PDE3A: variants seen among roughly 807,000 people sequenced by gnomAD.
The protein encoded by PDE3A is phosphodiesterase 3A, also known as cGMP-inhibited 3',5'-cyclic phosphodiesterase 3A.
A neutral mutation model predicts 98.3 loss-of-function variants in PDE3A; 43 were observed. The observed-to-expected ratio is 0.44, with a 90% confidence interval of 0.34 to 0.56. The LOEUF is 0.56. Among genes scored for constraint, PDE3A ranks in the 20% least tolerant of loss-of-function variants. The pLI is 0.01. For missense variants in PDE3A, 1,427 were observed against 1,440.7 expected, an observed-to-expected ratio of 0.99 and a Z score of 0.15; for synonymous variants, 663 against 567.9, an observed-to-expected ratio of 1.17 and a Z score of -2.38.
At position 20,396,355 on chromosome 12, in the gene PDE3A, G is replaced by A. The variant is rs181388752; in HGVS notation, c.960+26111G>A. 8.0e-4 allele frequency among the ~76,000 whole-genome samples: 122 copies of A among 152,094 alleles called. 2 individuals are homozygous for A. In the South Asian group the frequency reaches 0.011, roughly 14 times the overall value. On this transcript the variant is annotated intron_variant, in intron 1 of 15. Coordinates refer to ENST00000359062, the MANE Select transcript of PDE3A (RefSeq NM_000921.5). ...AGCTGGTCATGTTGATGCCTTTATC[G>A]CCTAAGCTGGCATGTAGTGCTATTG...
intron 2 of PDE3A, among the ~76,000 whole-genome samples, chr12:20,612,348 G>A (rs937488381): frequency 6.6e-6 from 1 of 150,510 alleles, no homozygotes; most frequent in East Asian, 1.9e-4. Context: ...TCTCTGTTTG[G>A]ATATGTTTTA....
chr12:20,627,847 T>C (rs1287052315), intron 5 of PDE3A, among the ~76,000 whole-genome samples: 2 of 152,214 alleles, frequency 1.3e-5, no homozygotes, highest in Non-Finnish European at 2.9e-5. Flanking sequence ...TCAGTACAGA[T>C]ACCTCGGTAA....
intron 2 of PDE3A, among the ~76,000 whole-genome samples, chr12:20,562,430 G>A (rs1282944919): frequency 6.6e-6 from 1 of 151,764 alleles, no homozygotes; most frequent in African/African-American, 2.4e-5. Context: ...ATTTTGGCCA[G>A]CATGATTTCG....
intron 1 of PDE3A, among the ~76,000 whole-genome samples, chr12:20,548,078 A>C (rs1230697643): frequency 6.6e-6 from 1 of 152,152 alleles, no homozygotes; most frequent in Non-Finnish European, 1.5e-5. Flanking sequence ...AGAAGAATTT[A>C]TTCCATAAGG....
chr12:20,423,362 C>G (rs548504231), intron 1 of PDE3A, among the ~76,000 whole-genome samples: 1 of 152,292 alleles, frequency 6.6e-6, no homozygotes, highest in East Asian at 1.9e-4. Context: ...ATGTAAACAC[C>G]TATGCATATG....
rs138666059 is a variant in PDE3A, at chr12:20,536,825, A to G, written c.961-19835A>G. On this transcript the variant is annotated intron_variant, in intron 1 of 15. Transcript: ENST00000359062. ...TTTTAGTTGTTTTTGCTTTTTGGCT[A>G]TTATGAATAATGCTGCTATTAACAT... 5.6e-3 allele frequency among the ~76,000 whole-genome samples: 855 copies of G among 152,184 alleles called. 6 individuals carry two copies. Among genetic ancestry groups the G allele is most frequent in the African/African-American group, 0.02 (819 of 41,558 alleles).
At chr12:20,389,532 T>A (rs1226128198) in intron 1 of PDE3A, among the ~76,000 whole-genome samples, 3 of 151,948 alleles carry the variant, frequency 2.0e-5, no homozygotes, top group African/African-American at 7.2e-5. Flanking sequence ...CTCTGGCTTG[T>A]GGGAATTCTC....
At chr12:20,551,812 C>T in intron 1 of PDE3A, 5 of 1,613,972 alleles carry the variant, frequency 3.1e-6, no homozygotes, top group Admixed American at 1.7e-5. Context: ...GTCCTCACAG[C>T]GGGACTGGGA....
intron 1 of PDE3A, among the ~76,000 whole-genome samples, chr12:20,451,392 G>A (rs1405965611): frequency 6.6e-6 from 1 of 152,140 alleles, no homozygotes; most frequent in Non-Finnish European, 1.5e-5. Flanking sequence ...TCCTGCCTCA[G>A]CCTCCCAAGT....
intron 15 of PDE3A, among the ~76,000 whole-genome samples, chr12:20,670,398 T>G (rs979052894): frequency 6.6e-6 from 1 of 151,552 alleles, no homozygotes; most frequent in African/African-American, 2.4e-5. Flanking sequence ...AATATACATT[T>G]TTTTCAGCAC....
chr12:20,539,531 G>A (rs1941841537), intron 1 of PDE3A, among the ~76,000 whole-genome samples: 1 of 152,132 alleles, frequency 6.6e-6, no homozygotes, highest in Non-Finnish European at 1.5e-5. Flanking sequence ...AGAGTGACAA[G>A]AGAAGATGAG....
chr12:20,498,280 C>A (rs939208631), intron 1 of PDE3A, among the ~76,000 whole-genome samples: 4 of 152,110 alleles, frequency 2.6e-5, no homozygotes, highest in Non-Finnish European at 5.9e-5. Flanking sequence ...GCCCACCCCC[C>A]CAACTGAAGG....
chr12:20,380,660 T>C (rs1373573), intron 1 of PDE3A, among the ~76,000 whole-genome samples: 105,644 of 151,456 alleles, frequency 0.7, 37,045 homozygotes, highest in East Asian at 0.98. Context: ...TCGAACCTTA[T>C]GGTGTCAAGT....
chr12:20,377,140 T>G (rs1161275152), intron 1 of PDE3A, among the ~76,000 whole-genome samples: 1 of 151,754 alleles, frequency 6.6e-6, no homozygotes, highest in Non-Finnish European at 1.5e-5. Context: ...GATTTTCCCC[T>G]GGCAGAAAAT....
At chr12:20,513,695 T>C (rs1946267099) in intron 1 of PDE3A, among the ~76,000 whole-genome samples, 1 of 152,158 alleles carries the variant, frequency 6.6e-6, no homozygotes, top group African/African-American at 2.4e-5. Context: ...GGAGATTGTG[T>C]TGATATGTTA....
At chr12:20,597,746 G>A (rs774188103) in intron 2 of PDE3A, among the ~76,000 whole-genome samples, 3 of 152,176 alleles carry the variant, frequency 2.0e-5, no homozygotes, top group African/African-American at 4.8e-5. Context: ...TTCCCTGAAT[G>A]CCTTCCACTA....
intron 2 of PDE3A, among the ~76,000 whole-genome samples, chr12:20,599,049 A>C (rs1341758857): frequency 6.6e-6 from 1 of 152,212 alleles, no homozygotes; most frequent in Non-Finnish European, 1.5e-5. Flanking sequence ...ATTATTGGGC[A>C]TCTGAAATCT....
At chr12:20,512,364 A>T (rs925145213) in intron 1 of PDE3A, among the ~76,000 whole-genome samples, 1 of 152,246 alleles carries the variant, frequency 6.6e-6, no homozygotes, top group Admixed American at 6.5e-5. Context: ...CGCTCTGCAA[A>T]TTATACACTC....
At chr12:20,577,213 C>G (rs1055837034) in intron 2 of PDE3A, among the ~76,000 whole-genome samples, 3 of 151,752 alleles carry the variant, frequency 2.0e-5, no homozygotes, top group African/African-American at 7.3e-5. Context: ...AGGTGTGAAA[C>G]AGTGGTGCTT....
Sources: allele counts gnomAD v4.1 joint callset (sites outside exome capture counted in the v4.1 genomes callset), GRCh38; gene constraint gnomAD v4.1.1; transcripts MANE v1.5; gene names NCBI Gene and HGNC (gene_info 2026-07-23, HGNC 2026-07-21).